Variants in CADM2 observed in about 807,000 individuals in gnomAD.
The protein encoded by CADM2 is immunoglobulin superfamily member 4D.
CADM2 carries 12 observed loss-of-function variants against 49.8 expected under a neutral mutation model. The ratio of observed to expected loss-of-function variants is 0.24; its 90% CI spans 0.15 to 0.39. The LOEUF (loss-of-function observed/expected upper bound fraction) is 0.39, where lower values mean the gene tolerates loss of function less well. Ranked by LOEUF, CADM2 falls within the 10% of genes least tolerant of loss-of-function variation. The probability of loss-of-function intolerance (pLI) is 1.00; values close to 1 mark genes in which losing one functional copy is unlikely to be tolerated. For missense variants in CADM2, 378 were observed against 492.3 expected (o/e 0.77, Z 2.20); for synonymous variants, 214 against 175.4 (o/e 1.22, Z -1.74).
intron 8 of CADM2, among the ~76,000 whole-genome samples, chr3:85,980,247 A>C (rs1238909624): frequency 6.6e-6 from 1 of 151,490 alleles, no homozygotes; most frequent in Non-Finnish European, 1.5e-5. Context: ...TATTATATTT[A>C]ATTCAGTTGT....
At chr3:85,410,634 T>C (rs968705123) in intron 1 of CADM2, among the ~76,000 whole-genome samples, 8 of 152,212 alleles carry the variant, frequency 5.3e-5, no homozygotes, top group Non-Finnish European at 1.2e-4. Context: ...GCCGAAACAG[T>C]TAAAAAGAGT....
At chr3:85,069,434 A>T (rs2036642713) in intron 1 of CADM2, among the ~76,000 whole-genome samples, 2 of 152,182 alleles carry the variant, frequency 1.3e-5, no homozygotes, top group Admixed American at 6.6e-5. Context: ...TCAAAAAATA[A>T]TACCTTAAGT....
intron 8 of CADM2, among the ~76,000 whole-genome samples, chr3:85,989,025 T>A (rs1021523063): frequency 6.6e-6 from 1 of 152,168 alleles, no homozygotes; most frequent in African/African-American, 2.4e-5. Context: ...GGTAGTCTGG[T>A]TTACACTGGG....
Position 86,067,140 on chromosome 3 carries a change from C to T in CADM2, c.*357C>T, listed in dbSNP as rs1251510869. Reference sequence around the variant, plus strand: ...GAGTTTTTTTCCCCCATTTTTTCCCCTTTAAGTCATAGACCTTATCAGTTT... The same window carrying T: ...GAGTTTTTTTCCCCCATTTTTTCCCTTTTAAGTCATAGACCTTATCAGTTT... On this transcript the variant is annotated 3_prime_UTR_variant, in exon 10 of 10. Coordinates refer to ENST00000383699, the MANE Select transcript of CADM2 (RefSeq NM_001167675.2). 5.4e-6 allele frequency: 1 copy of T among 186,334 alleles called. No individual in the cohort carries two copies. Among genetic ancestry groups the T allele is most frequent in the African/African-American group, 2.4e-5 (1 of 42,122 alleles). 11.5% of individuals were successfully genotyped at this position (186,334 alleles called of 1,614,324 possible). A position where few individuals can be genotyped will look rare whatever the true frequency, so the allele number is the denominator to read the frequency against.
intron 2 of CADM2, among the ~76,000 whole-genome samples, chr3:85,788,064 C>CT (rs1287320920): frequency 2.0e-5 from 3 of 151,936 alleles, no homozygotes; most frequent in African/African-American, 4.8e-5. Context: ...TTTATGTGTG[C>CT]TTTTTTGTTT....
chr3:85,675,412 G>T (rs2065862238), intron 1 of CADM2, among the ~76,000 whole-genome samples: 1 of 152,050 alleles, frequency 6.6e-6, no homozygotes, highest in Admixed American at 6.6e-5. Context: ...AAATGATATT[G>T]TTGTTCAATT....
At chr3:85,267,250 A>G (rs908242936) in intron 1 of CADM2, among the ~76,000 whole-genome samples, 1 of 151,798 alleles carries the variant, frequency 6.6e-6, no homozygotes, top group Admixed American at 6.6e-5. Context: ...GACCTTTTGC[A>G]TGTAGGTAGC....
At chr3:85,224,520 G>C (rs1344565888) in intron 1 of CADM2, among the ~76,000 whole-genome samples, 4 of 152,156 alleles carry the variant, frequency 2.6e-5, no homozygotes, top group African/African-American at 9.7e-5. Context: ...CAGATGGATA[G>C]ATTGCAAACA....
chr3:85,013,997 GTAA>G (rs1383130883), intron 1 of CADM2, among the ~76,000 whole-genome samples: 1 of 141,880 alleles, frequency 7.0e-6, no homozygotes, highest in African/African-American at 2.5e-5. Flanking sequence ...TATACGCAGT[GTAA>G]TAATATTGTA....
intron 1 of CADM2, among the ~76,000 whole-genome samples, chr3:85,313,535 CT>C (rs1317664879): frequency 6.6e-6 from 1 of 152,048 alleles, no homozygotes; most frequent in African/African-American, 2.4e-5. Context: ...CCAAATGTGC[CT>C]TTTTGATGAG....
intron 1 of CADM2, among the ~76,000 whole-genome samples, chr3:85,643,321 T>A (rs1406941676): frequency 6.6e-6 from 1 of 152,176 alleles, no homozygotes; most frequent in Non-Finnish European, 1.5e-5. Context: ...TCCTAGAAAA[T>A]ATTTTTTATT....
chr3:85,497,657 T>TATC (rs1408980179), intron 1 of CADM2, among the ~76,000 whole-genome samples: 7 of 152,234 alleles, frequency 4.6e-5, no homozygotes, highest in Admixed American at 3.3e-4. Flanking sequence ...CGGTATGTTT[T>TATC]ATCAAAGAAC....
intron 1 of CADM2, among the ~76,000 whole-genome samples, chr3:85,241,759 GAATC>G (rs2042535577): frequency 6.6e-6 from 1 of 151,316 alleles, no homozygotes; most frequent in Admixed American, 6.6e-5. Context: ...TTCAAATGTG[GAATC>G]AATCAAAGAA....
At chr3:86,013,130 C>T in intron 8 of CADM2, 1 of 1,334,402 alleles carries the variant, frequency 7.5e-7, no homozygotes, top group Non-Finnish European at 1.1e-6. Context: ...GAACAAACCA[C>T]GTAAGTAGAC....
intron 1 of CADM2, among the ~76,000 whole-genome samples, chr3:85,377,985 T>C (rs1323777411): frequency 6.6e-6 from 1 of 152,082 alleles, no homozygotes; most frequent in African/African-American, 2.4e-5. Flanking sequence ...ATTGTGACTG[T>C]CTAAATGAAT....
intron 1 of CADM2, among the ~76,000 whole-genome samples, chr3:85,439,991 C>T (rs2037124665): frequency 6.6e-6 from 1 of 152,036 alleles, no homozygotes; most frequent in African/African-American, 2.4e-5. Context: ...TTCTTCCTAA[C>T]AATATTCCAT....
chr3:86,017,796 T>C (rs939031808), intron 8 of CADM2, among the ~76,000 whole-genome samples: 65 of 151,020 alleles, frequency 4.3e-4, no homozygotes, highest in Admixed American at 3.3e-4. Flanking sequence ...GCAATTGGCT[T>C]AGGAAAAATT....
chr3:85,655,332 C>T (rs951246797), intron 1 of CADM2, among the ~76,000 whole-genome samples: 1 of 151,834 alleles, frequency 6.6e-6, no homozygotes, highest in Non-Finnish European at 1.5e-5. Flanking sequence ...AATTATTTTT[C>T]GTATTTTTAG....
intron 1 of CADM2, among the ~76,000 whole-genome samples, chr3:85,254,011 G>A (rs1384399105): frequency 1.3e-5 from 2 of 152,030 alleles, no homozygotes; most frequent in African/African-American, 4.8e-5. Flanking sequence ...TGAAGGCTCA[G>A]CCCCCAAACT....
Sources: allele counts gnomAD v4.1 joint callset (sites outside exome capture counted in the v4.1 genomes callset), GRCh38; gene constraint gnomAD v4.1.1; transcripts MANE v1.5; gene names NCBI Gene and HGNC (gene_info 2026-07-23, HGNC 2026-07-21).